The following MACF1 variants were observed in gnomAD, a reference collection of about 807,000 sequenced individuals.
The protein encoded by MACF1 is microtubule-actin cross-linking factor 1.
Under a neutral mutation model 854.8 loss-of-function variants are expected in MACF1, and 193 were observed. That is an observed-to-expected ratio of 0.23 (90% CI 0.20 to 0.25). The LOEUF (loss-of-function observed/expected upper bound fraction) is 0.25, where lower values mean the gene tolerates loss of function less well. Ranked by LOEUF, MACF1 falls within the 10% of genes least tolerant of loss-of-function variation. The pLI is 1.00. For missense variants in MACF1, 7,722 were observed against 8,929.1 expected (o/e 0.86, Z 5.45); for synonymous variants, 3,185 against 3,226.7 (o/e 0.99, Z 0.44).
chr1:39,298,527 A>G (rs1171734588), intron 21 of MACF1: 4 of 329,482 alleles, frequency 1.2e-5, no homozygotes, highest in African/African-American at 8.7e-5. Context: ...GTGAGAAGTA[A>G]GGGGAATCTC....
rs1266097289 is a variant in MACF1 at position 39,442,144 on chromosome 1, C to T, written c.18775-3C>T. On this transcript the variant is annotated splice_region_variant and splice_polypyrimidine_tract_variant and intron_variant, in intron 75 of 100. Coordinates refer to ENST00000564288, the MANE Select transcript of MACF1 (RefSeq NM_001394062.1). ...ATGTTAACATTGAGTGTGTCTTTGACAGGAGTTCAAAGTAGAAGTTTACCA... is the reference window on the plus strand; with the variant it reads ...ATGTTAACATTGAGTGTGTCTTTGATAGGAGTTCAAAGTAGAAGTTTACCA... 7 of 1,588,910 alleles carry T rather than the reference C, an allele frequency of 4.4e-6. No homozygotes were observed. The Admixed American group carries it at 5.6e-5, about 13-fold the overall frequency.
chr1:39,427,989 C>G lies in MACF1; in HGVS notation c.16505C>G (p.Ala5502Gly), dbSNP rs1643778707. Reference sequence around the variant, plus strand: ...CTGGAAGAAGACATAGAAAACCATGCAACAGATGTGCACCAGGCAGTCAAA... The same window carrying G: ...CTGGAAGAAGACATAGAAAACCATGGAACAGATGTGCACCAGGCAGTCAAA... ...KALEEDIENHATDVHQAVKIG... is the reference protein window; with the variant it reads ...KALEEDIENHGTDVHQAVKIG... The change falls in exon 63 of 101, where the codon GCA (alanine) becomes GGA (glycine). Residue 5502 changes from alanine (A) to glycine (G), a missense_variant. Ala to Gly is a moderately conservative substitution (Grantham distance 60). Coordinates refer to ENST00000564288, the MANE Select transcript of MACF1 (RefSeq NM_001394062.1). The G allele has an allele frequency of 6.2e-7, 1 of 1,613,798 alleles. No homozygotes were observed. Among genetic ancestry groups the G allele is most frequent in the African/African-American group, 1.3e-5 (1 of 74,918 alleles).
intron 2 of MACF1, among the ~76,000 whole-genome samples, chr1:39,157,157 A>G (rs556292059): frequency 6.6e-6 from 1 of 151,976 alleles, no homozygotes; most frequent in Non-Finnish European, 1.5e-5. Context: ...TTTTGTAGAG[A>G]TGAGGTCTCA....
chr1:39,303,188 C>T, intron 23 of MACF1, 110 bp downstream of exon 23: 2 of 1,288,156 alleles, frequency 1.6e-6, no homozygotes, highest in South Asian at 1.6e-5. Flanking sequence ...TGGTAAAGTT[C>T]CTCCTGGGAG....
chr1:39,414,191 C>G, intron 58 of MACF1: 1 of 1,613,380 alleles, frequency 6.2e-7, no homozygotes, highest in South Asian at 1.1e-5. Context: ...GCTGCCATCC[C>G]TGCTGCTTCA....
At chr1:39,456,558 A>G (rs1644443475) in intron 89 of MACF1, 1 of 152,200 alleles carries the variant, frequency 6.6e-6, no homozygotes, top group South Asian at 2.1e-4. Context: ...ATGTAACTTC[A>G]TCGTAAGTCG....
At chr1:39,351,467 C>T (rs1647181967) in intron 43 of MACF1, among the ~76,000 whole-genome samples, 1 of 152,038 alleles carries the variant, frequency 6.6e-6, no homozygotes. Flanking sequence ...CCTATTCCTC[C>T]CCAAACCCCC....
chr1:39,353,420 T>G (rs1348977647), intron 44 of MACF1, among the ~76,000 whole-genome samples, 189 bp downstream of exon 44: 1 of 152,206 alleles, frequency 6.6e-6, no homozygotes. Context: ...ATAATACTAC[T>G]CTGCCCTGAC....
intron 40 of MACF1, among the ~76,000 whole-genome samples, chr1:39,341,943 T>TA (rs1646944181): frequency 1.3e-5 from 2 of 151,978 alleles, no homozygotes; most frequent in Non-Finnish European, 2.9e-5. Flanking sequence ...GCAGGTTTGT[T>TA]ATATAGGTAA....
intron 52 of MACF1, among the ~76,000 whole-genome samples, chr1:39,376,089 C>T (rs558675733): frequency 1.3e-5 from 2 of 152,288 alleles, no homozygotes; most frequent in East Asian, 3.9e-4. Flanking sequence ...ATCAGGGACA[C>T]TCAAAAATAA....
At chr1:39,399,444 G>A (rs974469025) in intron 58 of MACF1, among the ~76,000 whole-genome samples, 11 of 135,912 alleles carry the variant, frequency 8.1e-5, no homozygotes, top group African/African-American at 2.0e-4. Context: ...GTGCGATCTC[G>A]GCTCACTGCA....
At chr1:39,239,208 G>A (rs1455347156) in intron 2 of MACF1, among the ~76,000 whole-genome samples, 1 of 152,186 alleles carries the variant, frequency 6.6e-6, no homozygotes, top group Non-Finnish European at 1.5e-5. Flanking sequence ...TTGAACACGG[G>A]AGATGGAGGT....
At chr1:39,403,918 C>G (rs1237181338) in intron 58 of MACF1, among the ~76,000 whole-genome samples, 1 of 151,944 alleles carries the variant, frequency 6.6e-6, no homozygotes, top group East Asian at 1.9e-4. Flanking sequence ...CACCTGAGGT[C>G]AGGAGTTCGA....
chr1:39,268,760 T>G, intron 6 of MACF1: 1 of 1,289,406 alleles, frequency 7.8e-7, no homozygotes, highest in Non-Finnish European at 1.0e-6. Flanking sequence ...CTGAGAAGGC[T>G]CCCATATCTC....
intron 68 of MACF1, among the ~76,000 whole-genome samples, chr1:39,434,103 T>A (rs1375948156): frequency 6.6e-6 from 1 of 152,040 alleles, no homozygotes; most frequent in African/African-American, 2.4e-5. Flanking sequence ...ATAATAATAA[T>A]GCTATATCTA....
rs867221097 is a variant in MACF1 at position 39,333,143 on chromosome 1, T to C, written c.6555T>C (p.Asp2185=). Residue 2185 remains aspartate (D), a synonymous_variant, in exon 37 of 101, where the codon GAT becomes GAC. Coordinates refer to ENST00000564288, the MANE Select transcript of MACF1 (RefSeq NM_001394062.1). ...CTCTTGAGACTGAATATATTCATGA[T>C]GAAACTGGAGGATCTCACATAAAAC... The part of the protein sequence containing the change: ...AHTLETEYIH[D]ETGGSHIKPQ... 31 of 1,614,042 alleles carry C rather than the reference T, an allele frequency of 1.9e-5. 2 individuals carry two copies. The Middle Eastern group carries it at 5.1e-3, about 266-fold the overall frequency.
chr1:39,444,592 T>C, intron 79 of MACF1, 70 bp from the exon 80 acceptor site: 1 of 1,393,800 alleles, frequency 7.2e-7, no homozygotes, highest in Non-Finnish European at 9.8e-7. Context: ...CAGACTCTGC[T>C]ACAGAATCTA....
At position 39,410,444 on chromosome 1, in the gene MACF1, G is replaced by A. The variant is rs2148611956; in HGVS notation, c.15817-11930G>A. 4 of 1,614,012 alleles carry A rather than the reference G, an allele frequency of 2.5e-6. No homozygotes were observed. The East Asian group carries it at 6.7e-5, about 27-fold the overall frequency. ...TCAAAGCTTAACCAGACTTCAAAAA[G>A]CACCATGGAAAAGATGGAAGGAAGT... On this transcript the variant is annotated intron_variant, in intron 58 of 100. Transcript: ENST00000564288.
chr1:39,376,694 A>G lies in MACF1; in HGVS notation c.13214-1767A>G, dbSNP rs953168275. Among the ~76,000 whole-genome samples, 6 of 152,160 alleles carry G rather than the reference A, an allele frequency of 3.9e-5. No individual in the cohort carries two copies. The East Asian group carries it at 1.2e-3, about 29-fold the overall frequency. On this transcript the variant is annotated intron_variant, in intron 52 of 100. Coordinates refer to ENST00000564288, the MANE Select transcript of MACF1 (RefSeq NM_001394062.1). ...AACATTAACATTTAAAAGTTTTATA[A>G]TCACCACCCTAATTCAGCTAATTTT...
Sources: gnomAD v4.1 joint callset for allele counts (sites outside exome capture counted in the v4.1 genomes callset) on GRCh38, gnomAD v4.1.1 for gene constraint, MANE v1.5 for transcripts, NCBI Gene and HGNC (gene_info 2026-07-23, HGNC 2026-07-21) for gene names.